FGGY: variants seen among roughly 807,000 people sequenced by gnomAD.
The protein encoded by FGGY is FGGY carbohydrate kinase domain containing, also known as FGGY carbohydrate kinase domain-containing protein.
In FGGY, 72 loss-of-function variants were observed where a neutral mutation model predicts 71.3. That is an observed-to-expected ratio of 1.01 (90% CI 0.84 to 1.23). The LOEUF (loss-of-function observed/expected upper bound fraction) is 1.23. Ranked by LOEUF, FGGY falls within the 50% of genes most tolerant of loss-of-function variation. The pLI is 0.00. For missense variants in FGGY, 668 were observed against 682.3 expected (o/e 0.98, Z 0.23); for synonymous variants, 251 against 250.3 (o/e 1.00, Z -0.02).
chr1:59,324,989 A>G (rs1376840443), intron 2 of FGGY, among the ~76,000 whole-genome samples: 1 of 152,140 alleles, frequency 6.6e-6, no homozygotes, highest in East Asian at 1.9e-4. Flanking sequence ...AATGAATGAT[A>G]TATCTCTGTT....
chr1:59,348,083 C>A (rs2052471710), intron 4 of FGGY, among the ~76,000 whole-genome samples: 1 of 152,146 alleles, frequency 6.6e-6, no homozygotes, highest in African/African-American at 2.4e-5. Context: ...TATCCAGAAT[C>A]TACAATGAAC....
chr1:59,526,323 T>A (rs1054762336), intron 7 of FGGY, among the ~76,000 whole-genome samples: 24 of 152,158 alleles, frequency 1.6e-4, no homozygotes, highest in African/African-American at 5.8e-4. Flanking sequence ...CATACCTTAA[T>A]GAAGAGAGGA....
chr1:59,634,995 G>C (rs2096943100), intron 10 of FGGY, among the ~76,000 whole-genome samples: 1 of 152,130 alleles, frequency 6.6e-6, no homozygotes, highest in South Asian at 2.1e-4. Context: ...TATCAACCTG[G>C]GGTTCATGAG....
At chr1:59,703,631 C>T (rs1056190809) in intron 14 of FGGY, among the ~76,000 whole-genome samples, 10 of 152,208 alleles carry the variant, frequency 6.6e-5, no homozygotes, top group Admixed American at 1.3e-4. Flanking sequence ...GCATCTACTT[C>T]TAACTTGCAG....
Position 59,519,688 on chromosome 1 carries a change from C to T in FGGY, c.799+7249C>T, listed in dbSNP as rs534021454. On this transcript the variant is annotated intron_variant, in intron 7 of 15. Coordinates refer to ENST00000303721, the MANE Select transcript of FGGY (RefSeq NM_018291.5). ...GTACTACTATGATGACCATTTCTTA[C>T]ATGTGTCCTATGTGCCAAGTACTCT... Among the ~76,000 whole-genome samples, 16 of 152,296 alleles carry T rather than the reference C, an allele frequency of 1.1e-4. No homozygotes were observed. In the East Asian group the frequency reaches 2.9e-3, roughly 27 times the overall value.
intron 7 of FGGY, among the ~76,000 whole-genome samples, chr1:59,526,746 G>A (rs2094994279): frequency 1.3e-5 from 2 of 152,206 alleles, no homozygotes; most frequent in Admixed American, 6.5e-5. Flanking sequence ...TCAAATGTGC[G>A]AGAGGGGCAG....
chr1:59,325,540 C>T (rs1030786550), intron 2 of FGGY, among the ~76,000 whole-genome samples: 3 of 152,190 alleles, frequency 2.0e-5, no homozygotes, highest in African/African-American at 7.2e-5. Context: ...TCACTTTCTA[C>T]TCCTTATCTT....
intron 10 of FGGY, among the ~76,000 whole-genome samples, chr1:59,634,022 G>T (rs368337853): frequency 6.6e-6 from 1 of 152,104 alleles, no homozygotes; most frequent in Non-Finnish European, 1.5e-5. Flanking sequence ...ATGATTCATC[G>T]GCATTAACAA....
In FGGY at chr1:59,522,960, C is replaced by A. The variant is rs369897531; in HGVS notation, c.799+10521C>A. On this transcript the variant is annotated intron_variant, in intron 7 of 15. Transcript: ENST00000303721. The stretch of plus-strand genomic sequence containing the variant: ...TCTGATCATCTCATCTACTACAGAA[C>A]TGTATCTGGTATTCTGGGGCCATTT... Among the ~76,000 whole-genome samples the A allele has an allele frequency of 3.3e-5, 5 of 152,346 alleles. No individual in the cohort carries two copies. In the East Asian group the frequency reaches 9.6e-4, roughly 29 times the overall value.
chr1:59,620,669 A>G (rs2153834722), intron 9 of FGGY, among the ~76,000 whole-genome samples: 1 of 152,124 alleles, frequency 6.6e-6, no homozygotes, highest in East Asian at 1.9e-4. Context: ...GGCTTTCTAC[A>G]CATCTTTTTG....
chr1:59,662,483 C>T (rs992045303), intron 12 of FGGY, among the ~76,000 whole-genome samples: 2 of 152,118 alleles, frequency 1.3e-5, no homozygotes, highest in African/African-American at 2.4e-5. Context: ...GGCCATATAG[C>T]TTGTGGCAGA....
intron 14 of FGGY, among the ~76,000 whole-genome samples, chr1:59,678,241 T>G (rs1284138761): frequency 6.6e-6 from 1 of 152,196 alleles, no homozygotes; most frequent in Non-Finnish European, 1.5e-5. Context: ...GCAGTTCACT[T>G]CCCCTCCCTT....
chr1:59,671,462 G>T (rs1257219468), intron 13 of FGGY, among the ~76,000 whole-genome samples: 2 of 152,166 alleles, frequency 1.3e-5, no homozygotes, highest in African/African-American at 4.8e-5. Context: ...GCTTAGCCAA[G>T]GATGAAACCA....
chr1:59,521,929 G>C (rs891836191), intron 7 of FGGY, among the ~76,000 whole-genome samples: 3 of 152,088 alleles, frequency 2.0e-5, no homozygotes, highest in Admixed American at 2.0e-4. Flanking sequence ...TCTTTGTTTT[G>C]TTGTCACAAT....
chr1:59,585,984 G>T (rs1296718429), intron 8 of FGGY, among the ~76,000 whole-genome samples: 2 of 152,188 alleles, frequency 1.3e-5, no homozygotes, highest in Non-Finnish European at 2.9e-5. Flanking sequence ...ACACCAGTTA[G>T]AATGCCAATC....
intron 12 of FGGY, among the ~76,000 whole-genome samples, chr1:59,662,334 A>AAT (rs1553381203): frequency 2.8e-4 from 42 of 150,442 alleles, no homozygotes; most frequent in African/African-American, 9.9e-4. Flanking sequence ...AAAAAAAAAA[A>AAT]AGAGAGAGAT....
At chr1:59,327,800 A>G (rs1097236) in intron 2 of FGGY, among the ~76,000 whole-genome samples, 3,102 of 152,348 alleles carry the variant, frequency 0.02, 106 homozygotes, top group African/African-American at 0.071. Context: ...GTTAGCAGGT[A>G]TGAGAACAAC....
chr1:59,650,667 G>T (rs2097148861), intron 11 of FGGY, among the ~76,000 whole-genome samples: 1 of 121,648 alleles, frequency 8.2e-6, no homozygotes, highest in African/African-American at 4.1e-5. Flanking sequence ...CTTGCTAGCA[G>T]TCTATCAATT....
intron 9 of FGGY, among the ~76,000 whole-genome samples, chr1:59,614,448 AC>A (rs1416019763): frequency 6.6e-6 from 1 of 152,026 alleles, no homozygotes; most frequent in East Asian, 1.9e-4. Context: ...AAATTCAACA[AC>A]CCCTCATGCT....
Sources: allele counts gnomAD v4.1 joint callset (sites outside exome capture counted in the v4.1 genomes callset), GRCh38; gene constraint gnomAD v4.1.1; transcripts MANE v1.5; gene names NCBI Gene and HGNC (gene_info 2026-07-23, HGNC 2026-07-21).